ST14: variants seen among roughly 807,000 people sequenced by gnomAD.
ST14 encodes the protein ST14 transmembrane serine protease matriptase.
A neutral mutation model predicts 96.5 loss-of-function variants in ST14; 40 were observed. That is an observed-to-expected ratio of 0.41 (90% CI 0.32 to 0.54). The LOEUF (loss-of-function observed/expected upper bound fraction) is 0.54, where lower values mean the gene tolerates loss of function less well. Among genes scored for constraint, ST14 ranks in the 20% least tolerant of loss-of-function variants. The pLI, the probability that ST14 is intolerant of heterozygous loss-of-function variation, is 0.17. For synonymous variants in ST14, 506 were observed against 492.1 expected, an observed-to-expected ratio of 1.03 and a Z score of -0.37; for missense variants, 1,066 against 1,188.9, an observed-to-expected ratio of 0.90 and a Z score of 1.52.
chr11:130,160,832 C>G (rs556919770), intron 1 of ST14, among the ~76,000 whole-genome samples: 1 of 152,306 alleles, frequency 6.6e-6, no homozygotes, highest in Non-Finnish European at 1.5e-5. Flanking sequence ...TGGTAGTGCC[C>G]GGGCGGGACC....
chr11:130,167,248 C>T (rs1953049643), intron 1 of ST14, among the ~76,000 whole-genome samples: 1 of 152,086 alleles, frequency 6.6e-6, no homozygotes. Flanking sequence ...CACAAATACC[C>T]CTACAAAGAC....
chr11:130,191,852 G>A (rs68030469), intron 7 of ST14, among the ~76,000 whole-genome samples: 8,965 of 152,230 alleles, frequency 0.059, 304 homozygotes, highest in Non-Finnish European at 0.082. Flanking sequence ...GGGTGGTTAG[G>A]GCAAAGAATA....
chr11:130,198,065 C>T (rs748992350), intron 12 of ST14, 120 bp downstream of exon 12: 194 of 1,104,964 alleles, frequency 1.8e-4, no homozygotes, highest in Non-Finnish European at 2.4e-4. Flanking sequence ...TTTTTGCTCT[C>T]GGCCCTGTGT....
chr11:130,176,351 T>C (rs897802128), intron 1 of ST14, among the ~76,000 whole-genome samples: 2 of 151,976 alleles, frequency 1.3e-5, no homozygotes, highest in Admixed American at 6.6e-5. Flanking sequence ...AAGTTACCCC[T>C]GACAGGGATT....
chr11:130,179,746 C>G (rs919727267), intron 1 of ST14, among the ~76,000 whole-genome samples: 5 of 152,180 alleles, frequency 3.3e-5, no homozygotes, highest in African/African-American at 9.7e-5. Flanking sequence ...CTCAGCATTG[C>G]CCAGGGGACA....
chr11:130,165,492 T>G (rs1435707349), intron 1 of ST14, among the ~76,000 whole-genome samples: 1 of 152,200 alleles, frequency 6.6e-6, no homozygotes, highest in Non-Finnish European at 1.5e-5. Flanking sequence ...TGCTAAAAAT[T>G]CTGTCTCAGA....
Position 130,209,754 on chromosome 11 carries a change from GA to G in ST14, c.2501del (p.Asn834ThrfsTer98). ...VSWGDGCAQR[N>X]KPGVYTRLPL... ...GCTGGGGAGACGGCTGCGCTCAGAG[GA>G]ACAAGCCAGGCGTGTACACAAGGCT... is the stretch of plus-strand genomic sequence containing the variant. On this transcript the variant is annotated frameshift_variant, in exon 19 of 19. Transcript: ENST00000278742. LOFTEE classifies it high-confidence loss of function. 1 of 1,614,018 alleles carries G rather than the reference GA, an allele frequency of 6.2e-7. No homozygotes were observed.
At chr11:130,202,203 G>A (rs76028523) in intron 16 of ST14, among the ~76,000 whole-genome samples, 6,329 of 152,242 alleles carry the variant, frequency 0.042, 178 homozygotes, top group Middle Eastern at 0.11. Flanking sequence ...CCTTTGCTTC[G>A]TTGCTTTCTT....
chr11:130,178,716 G>C (rs1362056581), intron 1 of ST14, among the ~76,000 whole-genome samples: 1 of 152,212 alleles, frequency 6.6e-6, no homozygotes, highest in African/African-American at 2.4e-5. Context: ...TGGGGTTACA[G>C]ATCTACAGAT....
intron 5 of ST14, 108 bp downstream of exon 5, chr11:130,190,004 A>G: frequency 3.1e-6 from 5 of 1,610,196 alleles, no homozygotes; most frequent in Non-Finnish European, 4.2e-6. Flanking sequence ...CCAGTGCCCC[A>G]GAGAGAAGAC....
At position 130,194,684 on chromosome 11, in the gene ST14, C is replaced by A; in HGVS notation, c.1060C>A (p.Pro354Thr). 1 of 1,614,186 alleles carries A rather than the reference C, an allele frequency of 6.2e-7. No homozygotes were observed. ...LRKAQGTFNS[P>T]YYPGHYPPNI... ...TAAAGCCCAGGGGACATTCAACAGC[C>A]CCTACTACCCAGGCCACTACCCACC... is the stretch of plus-strand genomic sequence containing the variant. The change falls in exon 9 of 19, where the codon CCC becomes ACC. Residue 354 changes from proline (P) to threonine (T), a missense_variant. Pro to Thr is a conservative substitution (Grantham distance 38). Transcript: ENST00000278742.
intron 15 of ST14, 115 bp from the exon 16 acceptor site, chr11:130,199,836 C>T: frequency 7.7e-7 from 1 of 1,305,080 alleles, no homozygotes; most frequent in African/African-American, 1.4e-5. Context: ...CAGTGCTGTG[C>T]ACGCCAAAAG....
At chr11:130,183,542 T>TAAA (rs751348726) in intron 1 of ST14, among the ~76,000 whole-genome samples, 2 of 126,990 alleles carry the variant, frequency 1.6e-5, no homozygotes. Flanking sequence ...CCCTGTATCT[T>TAAA]AAAAAAAAAA....
At chr11:130,164,295 GC>G (rs1407227011) in intron 1 of ST14, among the ~76,000 whole-genome samples, 1 of 152,072 alleles carries the variant, frequency 6.6e-6, no homozygotes, top group Admixed American at 6.5e-5. Flanking sequence ...CTTTTTTCCT[GC>G]CAAGCTTCAT....
Position 130,196,564 on chromosome 11 carries a change from C to CA in ST14, c.1224-6_1224-5insA. The CA allele has an allele frequency of 6.2e-7, 1 of 1,610,992 alleles. No individual in the cohort carries two copies. The highest frequency in any genetic ancestry group is 8.5e-7 in the Non-Finnish European group (1 of 1,178,032). ...CTCCTCACCTTGTGCCCCGCCCCCC[C>CA]TCCAGATACTGCGGAGAGAGGTCCC... On this transcript the variant is annotated splice_region_variant and splice_polypyrimidine_tract_variant and intron_variant, in intron 10 of 18. Coordinates refer to ENST00000278742, the MANE Select transcript of ST14 (RefSeq NM_021978.4).
intron 1 of ST14, 95 bp downstream of exon 1, chr11:130,160,155 C>G (rs377743342): frequency 2.4e-6 from 2 of 845,300 alleles, no homozygotes; most frequent in Non-Finnish European, 3.2e-6. Flanking sequence ...CTGGCGTGTC[C>G]GTCGGTGGCC....
intron 1 of ST14, among the ~76,000 whole-genome samples, chr11:130,178,244 G>C (rs1042917038): frequency 2.6e-5 from 4 of 152,216 alleles, no homozygotes; most frequent in African/African-American, 9.7e-5. Context: ...GAGTCTCCTG[G>C]TGTGAGCTGG....
At chr11:130,168,647 G>A (rs1040363926) in intron 1 of ST14, among the ~76,000 whole-genome samples, 1 of 152,148 alleles carries the variant, frequency 6.6e-6, no homozygotes, top group African/African-American at 2.4e-5. Flanking sequence ...AATCTGTCTC[G>A]GCTCTGAGAA....
Position 130,199,012 on chromosome 11 carries a change from A to G in ST14, c.1750A>G (p.Asn584Asp). ...CAATGGGCTCTGCTTGAGCAAGGGC[A>G]ACCCTGAGTGTGACGGGAAGGAGGA... The part of the protein sequence containing the change: ...CLNGLCLSKG[N>D]PECDGKEDCS... Residue 584 changes from asparagine (N) to aspartate (D), a missense_variant, in exon 15 of 19, where the codon AAC (asparagine) becomes GAC (aspartate). Transcript: ENST00000278742. 6.2e-7 allele frequency: 1 copy of G among 1,614,130 alleles called. No individual in the cohort carries two copies. Among genetic ancestry groups the G allele is most frequent in the Non-Finnish European group, 8.5e-7 (1 of 1,180,016 alleles).
Sources: allele counts gnomAD v4.1 joint callset (sites outside exome capture counted in the v4.1 genomes callset), GRCh38; gene constraint gnomAD v4.1.1; transcripts MANE v1.5; gene names NCBI Gene and HGNC (gene_info 2026-07-23, HGNC 2026-07-21).